NUP107: variants seen among roughly 807,000 people sequenced by gnomAD.
NUP107 encodes the protein nucleoporin 107, also known as nuclear pore complex protein Nup107.
NUP107 carries 101 observed loss-of-function variants against 141.0 expected under a neutral mutation model. That is an observed-to-expected ratio of 0.72 (90% confidence interval 0.61 to 0.84). The LOEUF (loss-of-function observed/expected upper bound fraction) is 0.84. NUP107 is among the 40% of genes least tolerant of loss of function. The pLI, the probability that NUP107 is intolerant of heterozygous loss-of-function variation, is 0.00. For synonymous variants in NUP107, 319 were observed against 363.9 expected (o/e 0.88, Z 1.41); for missense variants, 941 against 1,102.7 (o/e 0.85, Z 2.08).
Position 68,692,065 on chromosome 12 carries a change from T to C in NUP107, c.401T>C (p.Val134Ala), listed in dbSNP as rs1875822155. 2 of 1,611,798 alleles carry C rather than the reference T, an allele frequency of 1.2e-6. No homozygotes were observed. Among genetic ancestry groups the C allele is most frequent in the Non-Finnish European group, 1.7e-6 (2 of 1,179,444 alleles). The change falls in exon 5 of 28, where the codon GTA becomes GCA. Residue 134 changes from valine (V) to alanine (A), a missense_variant. Coordinates refer to ENST00000229179, the MANE Select transcript of NUP107 (RefSeq NM_020401.4). ...GAGCCCCACAGTATAACAGAAGATG[T>C]AACTATCAGTGCTGTTATGTTACGT... ...NTEPHSITEDVTISAVMLRED... is the reference protein window; with the variant it reads ...NTEPHSITEDATISAVMLRED...
chr12:68,738,628 C>A (rs922645072), intron 26 of NUP107, among the ~76,000 whole-genome samples: 1 of 152,138 alleles, frequency 6.6e-6, no homozygotes, highest in Non-Finnish European at 1.5e-5. Context: ...GTGCTGTTTT[C>A]GTATAGCTAC....
chr12:68,739,396 A>G (rs1159679694), intron 26 of NUP107, among the ~76,000 whole-genome samples: 2 of 152,206 alleles, frequency 1.3e-5, no homozygotes, highest in Non-Finnish European at 2.9e-5. Flanking sequence ...TGCTGAGCAC[A>G]TGGGAGGCTT....
rs1032649352 is a variant in NUP107, at chr12:68,742,660, T to C, written c.*198T>C. ...CTGTGTGCTTGTTAATAAAACTATATAAAAATTAAAATTTTCTGTTTTTAC... is the reference window on the plus strand; with the variant it reads ...CTGTGTGCTTGTTAATAAAACTATACAAAAATTAAAATTTTCTGTTTTTAC... On this transcript the variant is annotated 3_prime_UTR_variant, in exon 28 of 28. Transcript: ENST00000229179. 1.5e-4 allele frequency: 42 copies of C among 280,150 alleles called. No individual in the cohort carries two copies. The highest frequency in any genetic ancestry group is 1.0e-3 in the Middle Eastern group (1 of 956). The allele number at this position is 280,150 out of a possible 1,614,324, so 17.4% of individuals were successfully genotyped here. A position where few individuals can be genotyped will look rare whatever the true frequency, so the allele number is the denominator to read the frequency against.
In NUP107 at chr12:68,731,211, T is replaced by TA; in HGVS notation, c.1837dup (p.Thr613AsnfsTer4). 1.9e-6 allele frequency: 3 copies of TA among 1,612,630 alleles called. No homozygotes were observed. The highest frequency in any genetic ancestry group is 2.5e-6 in the Non-Finnish European group (3 of 1,179,344). On this transcript the variant is annotated frameshift_variant, in exon 21 of 28. Coordinates refer to ENST00000229179, the MANE Select transcript of NUP107 (RefSeq NM_020401.4). LOFTEE classifies it high-confidence loss of function. ...AGTATGCATTATTTTTGGAAAGTGT[T>TA]ACAGAATTTGAACAGCGCCACCATT...
intron 13 of NUP107, 50 bp downstream of exon 13, chr12:68,719,481 C>T (rs1269380426): frequency 6.4e-7 from 1 of 1,569,546 alleles, no homozygotes; most frequent in Non-Finnish European, 8.8e-7. Flanking sequence ...GCATTTCGCT[C>T]TAAATGCCAA....
At chr12:68,705,846 C>T (rs1876553480) in intron 8 of NUP107, 6 of 776,388 alleles carry the variant, frequency 7.7e-6, no homozygotes, top group African/African-American at 1.7e-5. Context: ...TCAACCAGAG[C>T]CTGCTGAGCC....
At position 68,719,662 on chromosome 12, in the gene NUP107, A is replaced by G. The variant is rs757769309; in HGVS notation, c.1251+8A>G. 28 of 1,580,180 alleles carry G rather than the reference A, an allele frequency of 1.8e-5. No individual in the cohort carries two copies. The South Asian group carries it at 3.1e-4, about 18-fold the overall frequency. ...TGGAGAATGGCAGAAGATGTAAGAT[A>G]AATAAAATATTCAGTGATACTGTTT... On this transcript the variant is annotated splice_region_variant and intron_variant, in intron 14 of 27. Coordinates refer to ENST00000229179, the MANE Select transcript of NUP107 (RefSeq NM_020401.4).
chr12:68,740,864 T>C (rs1421787603), intron 26 of NUP107, among the ~76,000 whole-genome samples: 1 of 151,792 alleles, frequency 6.6e-6, no homozygotes, highest in Non-Finnish European at 1.5e-5. Flanking sequence ...TCTCTACAAA[T>C]AATAAAATTA....
At chr12:68,731,347 AT>A in intron 21 of NUP107, 87 bp downstream of exon 21, 1 of 1,316,644 alleles carries the variant, frequency 7.6e-7, no homozygotes, top group Non-Finnish European at 1.0e-6. Flanking sequence ...ATAGTTTTAA[AT>A]CTTATTTCTG....
chr12:68,705,434 G>A (rs1016505167), intron 8 of NUP107, among the ~76,000 whole-genome samples: 1 of 151,252 alleles, frequency 6.6e-6, no homozygotes, highest in African/African-American at 2.4e-5. Flanking sequence ...ATTTTAAAGG[G>A]AGTATCTCAC....
intron 17 of NUP107, among the ~76,000 whole-genome samples, chr12:68,723,193 C>T (rs1442329927): frequency 6.6e-6 from 1 of 151,780 alleles, no homozygotes; most frequent in East Asian, 1.9e-4. Flanking sequence ...GGCAGCATAG[C>T]AAAACTTCGT....
At chr12:68,734,679 T>C (rs1213394434) in intron 24 of NUP107, 29 bp from the exon 25 acceptor site, 1 of 1,475,636 alleles carries the variant, frequency 6.8e-7, no homozygotes, top group African/African-American at 1.4e-5. Context: ...TGTTATTTTA[T>C]ATTTTGGTTT....
chr12:68,722,112 T>C lies in NUP107; in HGVS notation c.1466T>C (p.Leu489Ser), dbSNP rs1877380191. 3 of 1,613,520 alleles carry C rather than the reference T, an allele frequency of 1.9e-6. No homozygotes were observed. Among genetic ancestry groups the C allele is most frequent in the Non-Finnish European group, 2.5e-6 (3 of 1,179,874 alleles). The change falls in exon 17 of 28, where the codon TTA becomes TCA. Residue 489 changes from leucine to serine, a missense_variant. Coordinates refer to ENST00000229179, the MANE Select transcript of NUP107 (RefSeq NM_020401.4). ...CGTTGTTTCTTTTGAAGCTGGACGT[T>C]AGAAAAGGTTTTTGAGGAACTTCAA... ...PREYLGANWT[L>S]EKVFEELQAT... is the part of the protein sequence containing the mutation.
chr12:68,687,547 C>T (rs1875559713), intron 1 of NUP107: 4 of 990,710 alleles, frequency 4.0e-6, no homozygotes, highest in Non-Finnish European at 4.8e-6. Context: ...TCCTTCCCCT[C>T]GGGGAATTAG....
chr12:68,729,136 A>ACACGGCATTTTAAATGGATACTCACAG (rs1312975020), intron 20 of NUP107, among the ~76,000 whole-genome samples: 2 of 152,250 alleles, frequency 1.3e-5, no homozygotes, highest in African/African-American at 4.8e-5. Context: ...GATTAGCATC[A>ACACGGCATTTTAAATGGATACTCACAG]CACGGCATTT....
intron 18 of NUP107, among the ~76,000 whole-genome samples, chr12:68,726,041 G>T (rs1247947147): frequency 6.6e-6 from 1 of 151,798 alleles, no homozygotes; most frequent in African/African-American, 2.4e-5. Flanking sequence ...TTCGCTGTTG[G>T]CCAGGCTGGT....
At chr12:68,710,524 G>A (rs1367637023) in intron 10 of NUP107, among the ~76,000 whole-genome samples, 1 of 151,656 alleles carries the variant, frequency 6.6e-6, no homozygotes, top group Non-Finnish European at 1.5e-5. Flanking sequence ...GTTTGGTGAC[G>A]CACACCTGTA....
At chr12:68,725,821 T>C in intron 18 of NUP107, 25 bp downstream of exon 18, 1 of 1,211,392 alleles carries the variant, frequency 8.3e-7, no homozygotes, top group Non-Finnish European at 1.2e-6. Context: ...TATTTTACTT[T>C]GTGTTTTTTG....
intron 7 of NUP107, among the ~76,000 whole-genome samples, chr12:68,702,505 T>A (rs1876379143): frequency 1.3e-5 from 2 of 152,172 alleles, no homozygotes; most frequent in African/African-American, 4.8e-5. Context: ...CCTCAAGTGA[T>A]CTGCCTGTCT....
Sources: allele counts gnomAD v4.1 joint callset (sites outside exome capture counted in the v4.1 genomes callset), GRCh38; gene constraint gnomAD v4.1.1; transcripts MANE v1.5; gene names NCBI Gene and HGNC (gene_info 2026-07-23, HGNC 2026-07-21).